Variants in RELL1 observed in about 807,000 individuals in gnomAD.
RELL1 encodes the protein RELT like 1, also known as RELT-like protein 1.
RELL1 carries 10 observed loss-of-function variants against 23.0 expected under a neutral mutation model. That is an observed-to-expected ratio of 0.43 (90% CI 0.27 to 0.74). The LOEUF is 0.74. RELL1 is among the 30% of genes least tolerant of loss of function. The pLI is 0.19. For missense variants in RELL1, 315 were observed against 364.4 expected, an observed-to-expected ratio of 0.86 and a Z score of 1.10; for synonymous variants, 146 against 146.8, an observed-to-expected ratio of 0.99 and a Z score of 0.04.
intron 3 of RELL1, among the ~76,000 whole-genome samples, chr4:37,639,910 A>G (rs1720467957): frequency 6.6e-6 from 1 of 152,242 alleles, no homozygotes; most frequent in Non-Finnish European, 1.5e-5. Context: ...AGGGCTTACA[A>G]TGTGGTGTTT....
chr4:37,624,433 T>C (rs1479457848), intron 6 of RELL1, among the ~76,000 whole-genome samples: 2 of 148,906 alleles, frequency 1.3e-5, no homozygotes, highest in African/African-American at 2.5e-5. Flanking sequence ...TTTTTTTTTT[T>C]TTTTGAGGCA....
At chr4:37,593,301 G>C (rs967645140) in intron 6 of RELL1, among the ~76,000 whole-genome samples, 3 of 152,096 alleles carry the variant, frequency 2.0e-5, no homozygotes, top group Non-Finnish European at 4.4e-5. Context: ...TAGTGATCCA[G>C]GGTGGTAGAG....
intron 6 of RELL1, among the ~76,000 whole-genome samples, chr4:37,616,531 G>T (rs1161671255): frequency 6.6e-6 from 1 of 152,210 alleles, no homozygotes; most frequent in African/African-American, 2.4e-5. Flanking sequence ...ACAGTTAAAT[G>T]ATGCTAAAAA....
chr4:37,683,822 C>G (rs1287823970), intron 1 of RELL1, among the ~76,000 whole-genome samples: 1 of 151,858 alleles, frequency 6.6e-6, no homozygotes, highest in East Asian at 1.9e-4. Context: ...TGGCTCACGC[C>G]TGTAATCCCA....
At chr4:37,593,967 C>G (rs1718738313) in intron 6 of RELL1, among the ~76,000 whole-genome samples, 1 of 152,186 alleles carries the variant, frequency 6.6e-6, no homozygotes. Context: ...CTTTCTCTTA[C>G]CCAGACACAC....
At chr4:37,667,391 G>C (rs1186674745) in intron 1 of RELL1, among the ~76,000 whole-genome samples, 1 of 150,746 alleles carries the variant, frequency 6.6e-6, no homozygotes, top group African/African-American at 2.4e-5. Flanking sequence ...GAGAGGTTAA[G>C]TAACCTATGC....
At chr4:37,605,828 AAAGAAAGAAAGAAAGAAG>A (rs1719189052), downstream of RELL1, among the ~76,000 whole-genome samples, 2 of 122,786 alleles carry the variant, frequency 1.6e-5, no homozygotes, top group African/African-American at 5.2e-5. Context: ...AGAAAGAAAG[AAAGAAAGAAAGAAAGAAG>A]GAAAAGAAAA....
chr4:37,686,242 C>T lies in RELL1; in HGVS notation c.46G>A (p.Val16Ile), dbSNP rs755036005. 6.3e-7 allele frequency: 1 copy of T among 1,580,332 alleles called. No individual in the cohort carries two copies. Among genetic ancestry groups the T allele is most frequent in the South Asian group, 1.1e-5 (1 of 88,698 alleles). Residue 16 changes from valine (V) to isoleucine (I), a missense_variant, in exon 1 of 7, where the codon GTC becomes ATC. Coordinates refer to ENST00000454158, the MANE Select transcript of RELL1 (RefSeq NM_001085400.2). ...GAACTCACGGCGCCTCCCACGAAGACAGCAGCGGCTAGGACGGCGGACCCC... is the reference window on the plus strand; with the variant it reads ...GAACTCACGGCGCCTCCCACGAAGATAGCAGCGGCTAGGACGGCGGACCCC... ...LPGSAVLAAA[V>I]FVGGAVSSPL...
chr4:37,611,249 A>C lies in RELL1; in HGVS notation c.*2097T>G, dbSNP rs1719365667. Reference sequence around the variant, plus strand: ...TTTTTAATTAAAATGATTAGCCTAGACTGCACATATATTATTTACACTAAT... The same window carrying C: ...TTTTTAATTAAAATGATTAGCCTAGCCTGCACATATATTATTTACACTAAT... On this transcript the variant is annotated 3_prime_UTR_variant, in exon 7 of 7. Transcript: ENST00000454158. 6.6e-6 allele frequency among the ~76,000 whole-genome samples: 1 copy of C among 152,180 alleles called. No individual in the cohort carries two copies. The highest frequency in any genetic ancestry group is 1.5e-5 in the Non-Finnish European group (1 of 68,042).
chr4:37,606,197 G>A (rs7688254), downstream of RELL1, among the ~76,000 whole-genome samples: 46,727 of 150,170 alleles, frequency 0.31, 9,365 homozygotes, highest in Non-Finnish European at 0.43. This position sits in a 1 kb window ranked among gnomAD's most constrained non-coding sequence, Gnocchi z 4.1. Context: ...GAAAGAGAAA[G>A]AAGAAAGAAA....
intron 6 of RELL1, among the ~76,000 whole-genome samples, chr4:37,604,834 C>CACACACACACACACACAT (rs1719124803): frequency 1.6e-4 from 17 of 105,238 alleles, no homozygotes; most frequent in Non-Finnish European, 2.6e-4. Context: ...CACACACATA[C>CACACACACACACACACAT]ACACAGACAC....
At position 37,610,800 on chromosome 4, in the gene RELL1, C is replaced by CATCA. The variant is rs1719348582; in HGVS notation, c.*2542_*2545dup. Among the ~76,000 whole-genome samples, 1 of 152,064 alleles carries CATCA rather than the reference C, an allele frequency of 6.6e-6. No individual in the cohort carries two copies. Among genetic ancestry groups the CATCA allele is most frequent in the African/African-American group, 2.4e-5 (1 of 41,376 alleles). ...TCATTGATGACACCAAAAAGTTGTC[C>CATCA]ATCATTAGTGTTTTCTAGAGAAAGT... is the stretch of plus-strand genomic sequence containing the variant. On this transcript the variant is annotated 3_prime_UTR_variant, in exon 7 of 7. Transcript: ENST00000454158. This position sits in a 1 kb window ranked among gnomAD's most constrained non-coding sequence, Gnocchi z 4.1.
At position 37,612,636 on chromosome 4, in the gene RELL1, CAA is replaced by C. The variant is rs978165271; in HGVS notation, c.*708_*709del. ...TAGGGGACACAGCGAGACTCTGCCT[CAA>C]AAAAAAAAAAAAAAAAACCTTCTCA... is the stretch of plus-strand genomic sequence containing the variant. On this transcript the variant is annotated 3_prime_UTR_variant, in exon 7 of 7. Coordinates refer to ENST00000454158, the MANE Select transcript of RELL1 (RefSeq NM_001085400.2). Among the ~76,000 whole-genome samples the C allele has an allele frequency of 1.0e-3, 60 of 60,118 alleles. No individual in the cohort carries two copies. Among genetic ancestry groups the C allele is most frequent in the African/African-American group, 2.5e-3 (45 of 18,008 alleles). The allele number at this position is 60,118 out of a possible 152,430, so 39.4% of individuals were successfully genotyped here. A position where few individuals can be genotyped will look rare whatever the true frequency, so the allele number is the denominator to read the frequency against.
chr4:37,592,786 T>C (rs1016931570), intron 6 of RELL1, among the ~76,000 whole-genome samples: 2 of 152,224 alleles, frequency 1.3e-5, no homozygotes, highest in Non-Finnish European at 2.9e-5. Flanking sequence ...TGAGATGATG[T>C]AAGTGTTTAG....
At chr4:37,677,513 C>T (rs1722058298) in intron 1 of RELL1, among the ~76,000 whole-genome samples, 1 of 152,232 alleles carries the variant, frequency 6.6e-6, no homozygotes, top group Admixed American at 6.5e-5. Flanking sequence ...AGCATGTCAT[C>T]ATCAAATCTA....
chr4:37,665,047 C>G (rs1270379340), intron 1 of RELL1, among the ~76,000 whole-genome samples: 4 of 152,190 alleles, frequency 2.6e-5, no homozygotes, highest in South Asian at 2.1e-4. Context: ...GTAGGAGTGC[C>G]TGAAACATCT....
chr4:37,643,352 A>G (rs961776189), intron 3 of RELL1, among the ~76,000 whole-genome samples: 1 of 152,264 alleles, frequency 6.6e-6, no homozygotes, highest in African/African-American at 2.4e-5. Flanking sequence ...GACTTCCAAC[A>G]TTAAAGACAT....
chr4:37,622,582 A>T (rs1410084290), intron 6 of RELL1, among the ~76,000 whole-genome samples: 1 of 152,222 alleles, frequency 6.6e-6, no homozygotes, highest in Non-Finnish European at 1.5e-5. Context: ...AAGGAAGCCC[A>T]GGTCCTGGCT....
Position 37,660,797 on chromosome 4 carries a change from C to T in RELL1, c.89-11297G>A, listed in dbSNP as rs998902202. Among the ~76,000 whole-genome samples, 5 of 152,204 alleles carry T rather than the reference C, an allele frequency of 3.3e-5. No individual in the cohort carries two copies. In the East Asian group the frequency reaches 5.8e-4, roughly 18 times the overall value. On this transcript the variant is annotated intron_variant, in intron 1 of 6. Transcript: ENST00000454158. ...CTGTAATCCCAGCACTTTGGGAGGC[C>T]AAGGCGGGCAGATCACAAGGTCAGG... is the stretch of plus-strand genomic sequence containing the variant.
Sources: allele counts gnomAD v4.1 joint callset (sites outside exome capture counted in the v4.1 genomes callset), GRCh38; gene constraint gnomAD v4.1.1; non-coding constraint Gnocchi (gnomAD v3.1); transcripts MANE v1.5; gene names NCBI Gene and HGNC (gene_info 2026-07-23, HGNC 2026-07-21).